The following RPGRIP1L variants were observed in gnomAD, a reference collection of about 807,000 sequenced individuals.
RPGRIP1L encodes the protein RPGRIP1 like.
RPGRIP1L carries 131 observed loss-of-function variants against 160.4 expected under a neutral mutation model. The ratio of observed to expected loss-of-function variants is 0.82; its 90% confidence interval spans 0.71 to 0.94. The LOEUF is 0.94. Ranked by LOEUF, RPGRIP1L falls within the 40% of genes least tolerant of loss-of-function variation. The pLI is 0.00. For missense variants in RPGRIP1L, 1,522 were observed against 1,535.8 expected (o/e 0.99, Z 0.15); for synonymous variants, 510 against 515.8 (o/e 0.99, Z 0.15).
At chr16:53,671,454 T>C (rs1291207561) in intron 9 of RPGRIP1L, 56 bp downstream of exon 9, 1 of 1,093,482 alleles carries the variant, frequency 9.1e-7, no homozygotes, top group Non-Finnish European at 1.4e-6. Flanking sequence ...AGCAAATGCT[T>C]ACATATAAAA....
At chr16:53,665,807 C>T (rs897693530) in intron 9 of RPGRIP1L, among the ~76,000 whole-genome samples, 8 of 152,128 alleles carry the variant, frequency 5.3e-5, no homozygotes, top group East Asian at 1.9e-4. Flanking sequence ...GGTTCCTAAA[C>T]GCTGACCTAA....
Position 53,602,016 on chromosome 16 carries a change from G to T in RPGRIP1L, c.*60C>A. 2.0e-6 allele frequency: 2 copies of T among 977,432 alleles called. No individual in the cohort carries two copies. Among genetic ancestry groups the T allele is most frequent in the Non-Finnish European group, 3.3e-6 (2 of 611,760 alleles). The allele number at this position is 977,432 out of a possible 1,614,324, so 60.5% of individuals were successfully genotyped here. A position where few individuals can be genotyped will look rare whatever the true frequency, so the allele number is the denominator to read the frequency against. On this transcript the variant is annotated 3_prime_UTR_variant, in exon 27 of 27. Coordinates refer to ENST00000647211, the MANE Select transcript of RPGRIP1L (RefSeq NM_015272.5). ...ACCAGAGTAATTACAAAAATCTCAT[G>T]TAGGAACTTTCATGTGAGCATTTAC...
chr16:53,640,242 G>T (rs568309609), intron 19 of RPGRIP1L, among the ~76,000 whole-genome samples: 30 of 152,296 alleles, frequency 2.0e-4, no homozygotes, highest in African/African-American at 7.2e-4. Flanking sequence ...AAAAATTTTG[G>T]AAGAGGGTTG....
intron 4 of RPGRIP1L, among the ~76,000 whole-genome samples, chr16:53,691,183 G>T (rs2151344812): frequency 6.7e-6 from 1 of 150,220 alleles, no homozygotes; most frequent in African/African-American, 2.4e-5. Context: ...AAAAATGTTT[G>T]GTCTTTATGT....
Position 53,658,830 on chromosome 16 carries a change from TAC to T in RPGRIP1L, c.1290_1291del (p.Tyr431SerfsTer8), listed in dbSNP as rs1381634873. On this transcript the variant is annotated frameshift_variant, in exon 11 of 27. Transcript: ENST00000647211. LOFTEE classifies it high-confidence loss of function. Reference sequence around the variant, plus strand: ...ATCAAGTTGTTGCTTTTGTTCCAGATACTGTAACTGTAGTTCTCTATTCTCTT... The same window carrying T: ...ATCAAGTTGTTGCTTTTGTTCCAGATTGTAACTGTAGTTCTCTATTCTCTT... The T allele has an allele frequency of 1.9e-6, 3 of 1,608,902 alleles. No individual in the cohort carries two copies. The East Asian group carries it at 6.7e-5, about 36-fold the overall frequency.
rs1967026654 is a variant in RPGRIP1L, at chr16:53,653,944, C to A, written c.1700-957G>T. Among the ~76,000 whole-genome samples the A allele has an allele frequency of 2.0e-5, 3 of 152,200 alleles. No homozygotes were observed. In the East Asian group the frequency reaches 5.8e-4, roughly 29 times the overall value. ...GATATCCCACACAACATATTCAAAA[C>A]AGAATGTATCATACTGTCTTGTTTT... On this transcript the variant is annotated intron_variant, in intron 14 of 26. Coordinates refer to ENST00000647211, the MANE Select transcript of RPGRIP1L (RefSeq NM_015272.5).
intron 12 of RPGRIP1L, 94 bp from the exon 13 acceptor site, chr16:53,657,726 T>C (rs908591917): frequency 5.6e-6 from 4 of 719,360 alleles, no homozygotes; most frequent in South Asian, 1.8e-5. Flanking sequence ...AATTCATTGA[T>C]TGATCAATTT....
chr16:53,686,657 C>T (rs1353455312), intron 5 of RPGRIP1L, 81 bp from the exon 6 acceptor site: 17 of 1,444,404 alleles, frequency 1.2e-5, no homozygotes, highest in Non-Finnish European at 1.6e-5. Flanking sequence ...GAAAGTTCTT[C>T]ATGAAAAAGA....
chr16:53,698,233 C>G (rs1188012290), intron 2 of RPGRIP1L, among the ~76,000 whole-genome samples: 2 of 150,516 alleles, frequency 1.3e-5, no homozygotes, highest in Non-Finnish European at 2.9e-5. Context: ...AAGTGAGGAG[C>G]CTCTCCGCCC....
In RPGRIP1L at chr16:53,686,499, C is replaced by T; in HGVS notation, c.710G>A (p.Arg237Lys). Reference sequence around the variant, plus strand: ...TAACTCAATTTCATTTTCTTTTCTCCTCAACTGAGTTTTCAGGATCTCAGC... The same window carrying T: ...TAACTCAATTTCATTTTCTTTTCTCTTCAACTGAGTTTTCAGGATCTCAGC... ...HLAEILKTQL[R>K]RKENEIELSL... The change falls in exon 6 of 27, where the codon AGG becomes AAG. Residue 237 changes from arginine to lysine, a missense_variant. Physicochemically the swap from Arg to Lys is conservative, Grantham distance 26. Transcript: ENST00000647211. 1.2e-6 allele frequency: 2 copies of T among 1,613,574 alleles called. No homozygotes were observed. The highest frequency in any genetic ancestry group is 1.7e-4 in the Middle Eastern group (1 of 6,056).
At chr16:53,648,622 G>GCACACACACA (rs1372621947) in intron 16 of RPGRIP1L, among the ~76,000 whole-genome samples, 1,157 of 102,156 alleles carry the variant, frequency 0.011, 14 homozygotes, top group African/African-American at 0.027. Flanking sequence ...GTGCGCGCGC[G>GCACACACACA]CGCGCACACA....
At chr16:53,640,859 T>C (rs1017400660) in intron 19 of RPGRIP1L, among the ~76,000 whole-genome samples, 174 bp downstream of exon 19, 8 of 152,062 alleles carry the variant, frequency 5.3e-5, no homozygotes, top group Non-Finnish European at 5.9e-5. Flanking sequence ...GATAAAAAAT[T>C]TGAACAGTTA....
At chr16:53,657,007 C>G (rs1361012073) in intron 13 of RPGRIP1L, among the ~76,000 whole-genome samples, 2 of 151,944 alleles carry the variant, frequency 1.3e-5, no homozygotes, top group Admixed American at 6.6e-5. Context: ...TTTGGGAGGC[C>G]GAGGTGGGTG....
At chr16:53,691,109 G>A (rs560588655) in intron 4 of RPGRIP1L, among the ~76,000 whole-genome samples, 62 of 138,540 alleles carry the variant, frequency 4.5e-4, no homozygotes, top group Middle Eastern at 7.3e-3. Context: ...GTGGTTTTTC[G>A]TTTTTTTTTT....
At chr16:53,618,545 A>T (rs1479039003) in intron 24 of RPGRIP1L, among the ~76,000 whole-genome samples, 2 of 152,056 alleles carry the variant, frequency 1.3e-5, no homozygotes, top group South Asian at 4.1e-4. Context: ...TATTACTTCA[A>T]CTTTCTCTTC....
intron 6 of RPGRIP1L, among the ~76,000 whole-genome samples, chr16:53,683,220 A>G (rs560401624): frequency 2.2e-4 from 33 of 152,244 alleles, no homozygotes; most frequent in African/African-American, 7.9e-4. Flanking sequence ...TGGTTTTTCT[A>G]ATAAGAACCT....
intron 9 of RPGRIP1L, among the ~76,000 whole-genome samples, chr16:53,669,360 T>C (rs1968527505): frequency 6.6e-6 from 1 of 152,152 alleles, no homozygotes; most frequent in Non-Finnish European, 1.5e-5. Context: ...TACACACATT[T>C]ACTTCCATAT....
chr16:53,647,723 T>C (rs1186938203), intron 16 of RPGRIP1L, among the ~76,000 whole-genome samples: 1 of 152,232 alleles, frequency 6.6e-6, no homozygotes, highest in Non-Finnish European at 1.5e-5. Context: ...AAGATAATTA[T>C]GACTTGAACA....
intron 2 of RPGRIP1L, 83 bp from the exon 3 acceptor site, chr16:53,696,378 C>T (rs1009310516): frequency 3.6e-6 from 5 of 1,394,322 alleles, no homozygotes; most frequent in African/African-American, 2.8e-5. Context: ...ATCTCTGATG[C>T]ACTCATCTGA....
Sources: allele counts gnomAD v4.1 joint callset (sites outside exome capture counted in the v4.1 genomes callset), GRCh38; gene constraint gnomAD v4.1.1; transcripts MANE v1.5; gene names NCBI Gene and HGNC (gene_info 2026-07-23, HGNC 2026-07-21).